EIF4E: variants seen among roughly 807,000 people sequenced by gnomAD.
EIF4E encodes the protein eIF-4F 25 kDa subunit.
For missense variants in EIF4E, 113 were observed against 265.6 expected (o/e 0.43, Z 3.99); for synonymous variants, 71 against 88.5 (o/e 0.80, Z 1.11).
At chr4:98,896,224 A>AAAATAAAATT (rs552444898) in intron 2 of EIF4E, among the ~76,000 whole-genome samples, 4 of 145,980 alleles carry the variant, frequency 2.7e-5, no homozygotes, top group African/African-American at 1.1e-4. Flanking sequence ...AAAATAAAAT[A>AAAATAAAATT]AGCTAGGCAT....
chr4:98,891,792 A>C (rs1724152032), intron 2 of EIF4E, among the ~76,000 whole-genome samples: 1 of 152,248 alleles, frequency 6.6e-6, no homozygotes, highest in Non-Finnish European at 1.5e-5. Context: ...AATACTGTAA[A>C]TGTTTATGTT....
At chr4:98,920,312 T>C (rs1725587937) in intron 1 of EIF4E, among the ~76,000 whole-genome samples, 1 of 152,124 alleles carries the variant, frequency 6.6e-6, no homozygotes, top group African/African-American at 2.4e-5. Context: ...TTTTCTTTTT[T>C]TTTTTTGAGA....
At position 98,922,288 on chromosome 4, in the gene EIF4E, T is replaced by C. The variant is rs557423357; in HGVS notation, c.18+6807A>G. Among the ~76,000 whole-genome samples the C allele has an allele frequency of 5.1e-4, 78 of 152,312 alleles. 1 individual carries two copies. The highest frequency in any genetic ancestry group is 9.0e-4 in the Non-Finnish European group (61 of 68,026). The stretch of plus-strand genomic sequence containing the variant: ...AATTAAATGAGTTAGCCTGGCGCGG[T>C]GGCTCACGCCTGTAATCCCAGCACT... On this transcript the variant is annotated intron_variant, in intron 1 of 6. Coordinates refer to ENST00000450253, the MANE Select transcript of EIF4E (RefSeq NM_001968.5).
At chr4:98,925,840 C>CA (rs1725842035) in intron 1 of EIF4E, 1 of 151,874 alleles carries the variant, frequency 6.6e-6, no homozygotes, top group Non-Finnish European at 1.5e-5. Flanking sequence ...AGGGGTATCT[C>CA]AAGTACAATC....
chr4:98,918,665 AAAT>A (rs1385508939), intron 1 of EIF4E, among the ~76,000 whole-genome samples: 1 of 152,208 alleles, frequency 6.6e-6, no homozygotes. Context: ...GAAATGACCT[AAAT>A]ATTAATATAG....
rs1009963470 is a variant in EIF4E at position 98,887,433 on chromosome 4, G to T, written c.286-241C>A. On this transcript the variant is annotated intron_variant, in intron 4 of 6. Coordinates refer to ENST00000450253, the MANE Select transcript of EIF4E (RefSeq NM_001968.5). This position sits in a 1 kb window ranked among gnomAD's most constrained non-coding sequence, Gnocchi z 4.0. ...ATCTTGGGTTTCACTTAATTTGAAGGTTCTTAAACTTTCTGAGAAGCAAAC... is the reference window on the plus strand; with the variant it reads ...ATCTTGGGTTTCACTTAATTTGAAGTTTCTTAAACTTTCTGAGAAGCAAAC... Among the ~76,000 whole-genome samples the T allele has an allele frequency of 6.6e-6, 1 of 152,138 alleles. No homozygotes were observed. Among genetic ancestry groups the T allele is most frequent in the African/African-American group, 2.4e-5 (1 of 41,432 alleles).
At chr4:98,924,485 C>T (rs1431444021) in intron 1 of EIF4E, among the ~76,000 whole-genome samples, 3 of 152,120 alleles carry the variant, frequency 2.0e-5, no homozygotes, top group Non-Finnish European at 2.9e-5. Context: ...TGCATATTAT[C>T]CCTCTGCAAC....
chr4:98,891,149 C>A (rs116301678), intron 3 of EIF4E, 88 bp downstream of exon 3: 23,742 of 1,399,080 alleles, frequency 0.017, 266 homozygotes, highest in Non-Finnish European at 0.021. Context: ...CTGTTTAACT[C>A]ACACTTCATT....
At chr4:98,884,633 G>A (rs1723838532) in intron 6 of EIF4E, among the ~76,000 whole-genome samples, 1 of 152,146 alleles carries the variant, frequency 6.6e-6, no homozygotes, top group Non-Finnish European at 1.5e-5. Flanking sequence ...GAACCCGGGA[G>A]GCGGAGGTTG....
rs1341345942 is a variant in EIF4E, at chr4:98,881,144, TAGAAGAAAAAAAAAA to T, written c.540-17_540-3del. On this transcript the variant is annotated splice_region_variant and splice_polypyrimidine_tract_variant and intron_variant, in intron 6 of 6. Transcript: ENST00000450253. ...CCTAACCTTTCCTTGTATACCCTCC[TAGAAGAAAAAAAAAA>T]AGAAGAAGAAAAAAGTAGTCATTAA... 1.2e-6 allele frequency: 2 copies of T among 1,603,698 alleles called. No individual in the cohort carries two copies. The highest frequency in any genetic ancestry group is 2.8e-5 in the African/African-American group (2 of 71,102).
intron 1 of EIF4E, among the ~76,000 whole-genome samples, chr4:98,905,724 G>C (rs910045399): frequency 6.6e-6 from 1 of 152,168 alleles, no homozygotes; most frequent in Non-Finnish European, 1.5e-5. Flanking sequence ...AAATAAAAAT[G>C]TTCAGTATTG....
intron 3 of EIF4E, among the ~76,000 whole-genome samples, 181 bp downstream of exon 3, chr4:98,891,056 T>C (rs893258140): frequency 7.2e-5 from 11 of 152,182 alleles, no homozygotes; most frequent in African/African-American, 2.2e-4. Flanking sequence ...GATGACAAGA[T>C]TGAAGCTCTG....
chr4:98,886,496 T>C, intron 5 of EIF4E: 1 of 442,470 alleles, frequency 2.3e-6, no homozygotes, highest in Non-Finnish European at 4.5e-6. Flanking sequence ...GGAGGATCAC[T>C]TGAGGCCAGA....
At chr4:98,894,586 A>G (rs771355978) in intron 2 of EIF4E, among the ~76,000 whole-genome samples, 23 of 152,332 alleles carry the variant, frequency 1.5e-4, no homozygotes, top group Middle Eastern at 3.4e-3. Context: ...CTCAGCCTTC[A>G]TAACACTGAA....
chr4:98,893,112 T>C (rs1560637913), intron 2 of EIF4E, among the ~76,000 whole-genome samples: 1 of 152,212 alleles, frequency 6.6e-6, no homozygotes, highest in Non-Finnish European at 1.5e-5. Flanking sequence ...TACACTATAC[T>C]GTAGTCTACA....
chr4:98,909,258 G>T (rs1023629890), intron 1 of EIF4E, among the ~76,000 whole-genome samples: 1 of 152,186 alleles, frequency 6.6e-6, no homozygotes, highest in African/African-American at 2.4e-5. Context: ...ACAGGTAAGT[G>T]TAAGTAAAAA....
At chr4:98,913,935 C>A (rs1274060070) in intron 1 of EIF4E, among the ~76,000 whole-genome samples, 3 of 151,750 alleles carry the variant, frequency 2.0e-5, no homozygotes, top group Non-Finnish European at 4.4e-5. Flanking sequence ...ACAGATATAA[C>A]CAAAAGGTAA....
chr4:98,889,277 A>AAGGTTT (rs1560635598), intron 3 of EIF4E, among the ~76,000 whole-genome samples: 1 of 152,166 alleles, frequency 6.6e-6, no homozygotes, highest in East Asian at 1.9e-4. Flanking sequence ...CTGAGTCACT[A>AAGGTTT]CCTAATGGTA....
At chr4:98,928,604 A>G (rs760287896) in intron 1 of EIF4E, among the ~76,000 whole-genome samples, 2 of 151,956 alleles carry the variant, frequency 1.3e-5, no homozygotes, top group Non-Finnish European at 2.9e-5. Flanking sequence ...TCTAAGGAAG[A>G]CGTGCGCGCG....
Sources: allele counts gnomAD v4.1 joint callset (sites outside exome capture counted in the v4.1 genomes callset), GRCh38; gene constraint gnomAD v4.1.1; non-coding constraint Gnocchi (gnomAD v3.1); transcripts MANE v1.5; gene names NCBI Gene and HGNC (gene_info 2026-07-23, HGNC 2026-07-21).